The following GCN1 variants were observed in gnomAD, a reference collection of about 807,000 sequenced individuals.
GCN1 encodes the protein GCN1 activator of EIF2AK4.
Under a neutral mutation model 288.4 loss-of-function variants are expected in GCN1, and 90 were observed. That is an observed-to-expected ratio of 0.31 (90% confidence interval 0.26 to 0.37). The LOEUF is 0.37. Among genes scored for constraint, GCN1 ranks in the 10% least tolerant of loss-of-function variants. GCN1 has a pLI of 1.00. For missense variants in GCN1, 2,586 were observed against 3,419.9 expected, an observed-to-expected ratio of 0.76 and a Z score of 6.08; for synonymous variants, 1,386 against 1,420.2, an observed-to-expected ratio of 0.98 and a Z score of 0.54.
intron 11 of GCN1, 150 bp from the exon 12 acceptor site, chr12:120,175,362 C>G (rs1878448190): frequency 1.4e-6 from 1 of 734,316 alleles, no homozygotes; most frequent in Admixed American, 2.6e-5. Flanking sequence ...GCAACTTTTA[C>G]TAGCCTTTTG....
rs1041790627 is a variant in GCN1, at chr12:120,169,652, C to T, written c.1519+517G>A. Among the ~76,000 whole-genome samples, 3 of 152,186 alleles carry T rather than the reference C, an allele frequency of 2.0e-5. No individual in the cohort carries two copies. In the South Asian group the frequency reaches 6.2e-4, roughly 32 times the overall value. Reference sequence around the variant, plus strand: ...CCGAGTAGCTGAGATTACAGGCATGCGCCACCACACCCAGCTAATTTTTGT... The same window carrying T: ...CCGAGTAGCTGAGATTACAGGCATGTGCCACCACACCCAGCTAATTTTTGT... On this transcript the variant is annotated intron_variant, in intron 15 of 57. Coordinates refer to ENST00000300648, the MANE Select transcript of GCN1 (RefSeq NM_006836.2).
In GCN1 at chr12:120,144,550, C is replaced by T; in HGVS notation, c.5352+89G>A. 2 of 1,556,388 alleles carry T rather than the reference C, an allele frequency of 1.3e-6. No homozygotes were observed. Among genetic ancestry groups the T allele is most frequent in the Non-Finnish European group, 1.8e-6 (2 of 1,139,936 alleles). ...GGCTGAGGGCTCTGCCAACCAACCC[C>T]AGCCAGCAGGGATCTCTAGCTCTCC... is the stretch of plus-strand genomic sequence containing the variant. On this transcript the variant is annotated intron_variant, in intron 41 of 57. Coordinates refer to ENST00000300648, the MANE Select transcript of GCN1 (RefSeq NM_006836.2). The surrounding 1 kb of genome is among the most constrained non-coding windows in gnomAD (Gnocchi z 4.7).
chr12:120,149,069 C>G (rs1048423518), intron 36 of GCN1, among the ~76,000 whole-genome samples: 2 of 149,764 alleles, frequency 1.3e-5, no homozygotes, highest in African/African-American at 2.5e-5. Flanking sequence ...ATTCTCCTGC[C>G]TAAGGTTATT....
At chr12:120,140,726 C>T in intron 45 of GCN1, 133 bp downstream of exon 45, 1 of 794,072 alleles carries the variant, frequency 1.3e-6, no homozygotes, top group Non-Finnish European at 2.0e-6. Context: ...AGCACCTCCC[C>T]AGAGTGAGAC....
At chr12:120,129,981 C>G (rs755962930) in intron 56 of GCN1, among the ~76,000 whole-genome samples, 1 of 152,220 alleles carries the variant, frequency 6.6e-6, no homozygotes, top group Admixed American at 6.5e-5. Context: ...ACAGACGAGG[C>G]TCAATCGAAT....
At chr12:120,172,507 A>C (rs999711987) in intron 14 of GCN1, among the ~76,000 whole-genome samples, 1 of 152,044 alleles carries the variant, frequency 6.6e-6, no homozygotes, top group Admixed American at 6.6e-5. Flanking sequence ...GGAATCTCCT[A>C]GATGTTTCTT....
At chr12:120,129,224 C>T in intron 57 of GCN1, 52 bp downstream of exon 57, 3 of 1,292,560 alleles carry the variant, frequency 2.3e-6, no homozygotes, top group Non-Finnish European at 3.4e-6. Context: ...TGAAGAAGAG[C>T]TGAAAGACAA....
chr12:120,177,660 G>A, intron 8 of GCN1, 24 bp downstream of exon 8: 1 of 1,592,094 alleles, frequency 6.3e-7, no homozygotes, highest in Non-Finnish European at 8.6e-7. Context: ...TTGTCCAGGT[G>A]AGTAACGTCC....
chr12:120,178,574 C>A (rs1878550167), intron 7 of GCN1, 51 bp downstream of exon 7: 1 of 1,603,318 alleles, frequency 6.2e-7, no homozygotes, highest in Non-Finnish European at 8.5e-7. Context: ...CCAGCGAGCT[C>A]CCAACATCCC....
intron 55 of GCN1, 44 bp from the exon 56 acceptor site, chr12:120,130,797 T>C (rs1876793029): frequency 7.8e-7 from 1 of 1,286,130 alleles, no homozygotes; most frequent in Non-Finnish European, 1.1e-6. Context: ...CCCCACCCCT[T>C]CCCCAGAGCC....
chr12:120,129,554 C>T, intron 56 of GCN1, 60 bp from the exon 57 acceptor site: 1 of 1,225,194 alleles, frequency 8.2e-7, no homozygotes, highest in Non-Finnish European at 1.2e-6. Context: ...CTTGAAGCAG[C>T]CCAAATGCCC....
rs973532481 is a variant in GCN1 at position 120,158,684 on chromosome 12, C to T, written c.2750-69G>A. 13 of 1,328,648 alleles carry T rather than the reference C, an allele frequency of 9.8e-6. No individual in the cohort carries two copies. In the Admixed American group the frequency reaches 2.9e-4, roughly 30 times the overall value. 82.3% of individuals were successfully genotyped at this position (1,328,648 alleles called of 1,614,324 possible). A position where few individuals can be genotyped will look rare whatever the true frequency, so the allele number is the denominator to read the frequency against. Reference sequence around the variant, plus strand: ...ATGTGGAATCCAGCCCAGGCTAAAACAGGGGACCCAGTGCCTCATCCTTCT... The same window carrying T: ...ATGTGGAATCCAGCCCAGGCTAAAATAGGGGACCCAGTGCCTCATCCTTCT... On this transcript the variant is annotated intron_variant, in intron 24 of 57. Coordinates refer to ENST00000300648, the MANE Select transcript of GCN1 (RefSeq NM_006836.2). This position sits in a 1 kb window ranked among gnomAD's most constrained non-coding sequence, Gnocchi z 4.3.
intron 15 of GCN1, 65 bp downstream of exon 15, chr12:120,170,104 C>G: frequency 1.4e-6 from 2 of 1,425,822 alleles, no homozygotes; most frequent in South Asian, 2.4e-5. Flanking sequence ...CATCAAGACA[C>G]ACCTCCCAAG....
In GCN1 at chr12:120,142,373, CTAAG is replaced by C. The variant is rs569396881; in HGVS notation, c.5829+130_5829+133del. 3.7e-4 allele frequency: 235 copies of C among 636,706 alleles called. 1 individual carries two copies. In the African/African-American group the frequency reaches 3.8e-3, roughly 10 times the overall value. 39.4% of individuals were successfully genotyped at this position (636,706 alleles called of 1,614,324 possible). On this transcript the variant is annotated intron_variant, in intron 44 of 57. Coordinates refer to ENST00000300648, the MANE Select transcript of GCN1 (RefSeq NM_006836.2). This position sits in a 1 kb window ranked among gnomAD's most constrained non-coding sequence, Gnocchi z 4.9. ...TAATCAAAAAATATTTGCAGAATGA[CTAAG>C]TAAAGAACACAATGTCCCTCTGTTA...
At chr12:120,166,683 GAC>G (rs1455403314) in intron 16 of GCN1, among the ~76,000 whole-genome samples, 1 of 141,896 alleles carries the variant, frequency 7.0e-6, no homozygotes, top group Non-Finnish European at 1.5e-5. Context: ...CAGCCTGGGC[GAC>G]AGAGCGAGAC....
intron 12 of GCN1, 36 bp downstream of exon 12, chr12:120,175,126 C>CAAAAAAAAAAAAAAAAAAAAAAAAAAA (rs58560211): frequency 1.1e-6 from 1 of 896,800 alleles, no homozygotes. Flanking sequence ...GACTTTCTCT[C>CAAAAAAAAAAAAAAAAAAAAAAAAAAA]AAAAAAAAAA....
Position 120,155,362 on chromosome 12 carries a change from T to C in GCN1, c.3509A>G (p.Tyr1170Cys), listed in dbSNP as rs201725187. The C allele has an allele frequency of 4.9e-4, 792 of 1,614,168 alleles. 5 individuals are homozygous for C. The Admixed American group carries it at 0.011, about 22-fold the overall frequency. Residue 1170 changes from tyrosine to cysteine, a missense_variant, in exon 30 of 58, where the codon TAT becomes TGT. Tyr to Cys is a radical substitution (Grantham distance 194, BLOSUM62 -2). Transcript: ENST00000300648. This position sits in a 1 kb window ranked among gnomAD's most constrained non-coding sequence, Gnocchi z 4.9. ...LCSLLIDDVI[Y>C]HEAAVRQAGA... is the part of the protein sequence containing the mutation. ...TGCCTGCCTTACAGCCGCCTCATGA[T>C]AGATCACGTCGTCAATCAGCAAGGA... is the stretch of plus-strand genomic sequence containing the variant.
intron 2 of GCN1, 151 bp from the exon 3 acceptor site, chr12:120,185,038 A>C: frequency 8.0e-6 from 5 of 626,598 alleles, no homozygotes; most frequent in East Asian, 5.6e-5. Flanking sequence ...CAACAACAAA[A>C]CAGGACTCTA....
At chr12:120,177,824 T>C in intron 7 of GCN1, 72 bp from the exon 8 acceptor site, 2 of 1,083,228 alleles carry the variant, frequency 1.8e-6, no homozygotes, top group Non-Finnish European at 2.9e-6. Flanking sequence ...GGGGTCCCTC[T>C]TGTGAGAGTG....
Sources: allele counts gnomAD v4.1 joint callset (sites outside exome capture counted in the v4.1 genomes callset), GRCh38; gene constraint gnomAD v4.1.1; non-coding constraint Gnocchi (gnomAD v3.1); transcripts MANE v1.5; gene names NCBI Gene and HGNC (gene_info 2026-07-23, HGNC 2026-07-21).